The following XKR9 variants were observed in gnomAD, a reference collection of about 807,000 sequenced individuals.
The protein encoded by XKR9 is XK related 9.
A neutral mutation model predicts 32.0 loss-of-function variants in XKR9; 32 were observed. The ratio of observed to expected loss-of-function variants is 1.00; its 90% CI spans 0.76 to 1.34. The LOEUF (loss-of-function observed/expected upper bound fraction) is 1.34. Ranked by LOEUF, XKR9 falls within the 40% of genes most tolerant of loss-of-function variation. The pLI, the probability that XKR9 is intolerant of heterozygous loss-of-function variation, is 0.00. For synonymous variants in XKR9, 168 were observed against 143.4 expected (o/e 1.17, Z -1.22); for missense variants, 546 against 429.7 (o/e 1.27, Z -2.39).
chr8:70,759,836 A>G lies in XKR9; in HGVS notation n.353-29503A>G, dbSNP rs140733877. 5.9e-5 allele frequency among the ~76,000 whole-genome samples: 9 copies of G among 152,302 alleles called. No individual in the cohort carries two copies. In the East Asian group the frequency reaches 1.5e-3, roughly 26 times the overall value. On this transcript the variant is annotated intron_variant and non_coding_transcript_variant, in intron 2 of 3. Transcript: ENST00000520273. ...GTTCAAACCAAAGCCTTTTTTATTTATTCATATAAAAGAGCACTTAACTTT... is the reference window on the plus strand; with the variant it reads ...GTTCAAACCAAAGCCTTTTTTATTTGTTCATATAAAAGAGCACTTAACTTT...
At chr8:70,760,494 A>G (rs898348666) in intron 2 of XKR9, among the ~76,000 whole-genome samples, 1 of 152,174 alleles carries the variant, frequency 6.6e-6, no homozygotes, top group Non-Finnish European at 1.5e-5. Context: ...GGTAAAATAT[A>G]TGCAACATAA....
chr8:71,054,016 A>ATGAAAG, the XKR9 span, among the ~76,000 whole-genome samples: 1 of 152,256 alleles, frequency 6.6e-6, no homozygotes, highest in Non-Finnish European at 1.5e-5. Context: ...ACTGTCAGGC[A>ATGAAAG]TGAAAGTGAA....
chr8:70,984,483 A>G, the XKR9 span, among the ~76,000 whole-genome samples: 1 of 152,204 alleles, frequency 6.6e-6, no homozygotes, highest in African/African-American at 2.4e-5. Context: ...TCTGGGAAAT[A>G]AAGACTCAGT....
At chr8:70,707,609 TTG>T (rs869276491) in intron 4 of XKR9, among the ~76,000 whole-genome samples, 2 of 57,604 alleles carry the variant, frequency 3.5e-5, no homozygotes, top group Non-Finnish European at 1.3e-4. Context: ...TTAATTTAGG[TTG>T]TTTCTTATAT....
chr8:70,774,858 GTTATATGTCTCTTTTATTTCCATATAA>G (rs1807498304), intron 2 of XKR9, among the ~76,000 whole-genome samples: 1 of 152,116 alleles, frequency 6.6e-6, no homozygotes, highest in Non-Finnish European at 1.5e-5. Flanking sequence ...TGTTTTTACT[GTTATATGTCTCTTTTATTTCCATATAA>G]ATATTATAAT....
chr8:70,985,123 T>C, the XKR9 span, among the ~76,000 whole-genome samples: 1 of 152,236 alleles, frequency 6.6e-6, no homozygotes, highest in Non-Finnish European at 1.5e-5. Flanking sequence ...TGATATTTAA[T>C]ATGAAAACAT....
At chr8:70,895,067 T>A in the XKR9 span, among the ~76,000 whole-genome samples, 6 of 152,142 alleles carry the variant, frequency 3.9e-5, no homozygotes, top group Admixed American at 6.5e-5. Context: ...CTACCTCAGT[T>A]GGGCTTACTG....
the XKR9 span, among the ~76,000 whole-genome samples, chr8:70,905,969 T>C: frequency 6.6e-6 from 1 of 152,230 alleles, no homozygotes; most frequent in African/African-American, 2.4e-5. Flanking sequence ...CAAATGTTGC[T>C]GGCTGATCCT....
chr8:70,872,908 C>A, the XKR9 span, among the ~76,000 whole-genome samples: 2 of 152,162 alleles, frequency 1.3e-5, no homozygotes, highest in Non-Finnish European at 2.9e-5. Flanking sequence ...GATCTGCCTG[C>A]CTTGGCCTCC....
the XKR9 span, among the ~76,000 whole-genome samples, chr8:70,915,202 A>C: frequency 6.6e-6 from 1 of 151,784 alleles, no homozygotes; most frequent in Non-Finnish European, 1.5e-5. Flanking sequence ...CACTAATCTT[A>C]GGTTTTACAA....
At chr8:70,943,064 G>GC in the XKR9 span, among the ~76,000 whole-genome samples, 48,277 of 151,912 alleles carry the variant, frequency 0.32, 8,979 homozygotes, top group Non-Finnish European at 0.43. Context: ...ATTTTTATTA[G>GC]CAAATTAATA....
intron 4 of XKR9, among the ~76,000 whole-genome samples, chr8:70,713,156 G>T (rs1805977145): frequency 6.6e-6 from 1 of 152,072 alleles, no homozygotes; most frequent in Non-Finnish European, 1.5e-5. Context: ...GGAATTGAAA[G>T]GAACAAATTA....
the XKR9 span, among the ~76,000 whole-genome samples, chr8:70,940,311 A>T: frequency 6.6e-6 from 1 of 152,038 alleles, no homozygotes; most frequent in Non-Finnish European, 1.5e-5. Context: ...TGATGTCTTA[A>T]ATAGTTATCT....
chr8:70,892,185 A>G, the XKR9 span, among the ~76,000 whole-genome samples: 1 of 152,188 alleles, frequency 6.6e-6, no homozygotes, highest in Admixed American at 6.5e-5. Flanking sequence ...ACATATGGTT[A>G]GGTCACTTAA....
chr8:70,885,402 A>AT, the XKR9 span, among the ~76,000 whole-genome samples: 2 of 152,112 alleles, frequency 1.3e-5, no homozygotes, highest in South Asian at 2.1e-4. Flanking sequence ...GTCAATATAC[A>AT]TTTTTTTAAA....
At chr8:70,900,884 C>T in the XKR9 span, among the ~76,000 whole-genome samples, 9 of 152,260 alleles carry the variant, frequency 5.9e-5, no homozygotes, top group African/African-American at 1.9e-4. Context: ...GTTCAATTCC[C>T]ACCTATGAGT....
intron 2 of XKR9, among the ~76,000 whole-genome samples, chr8:70,768,608 C>A (rs1312940451): frequency 6.6e-6 from 1 of 152,006 alleles, no homozygotes; most frequent in African/African-American, 2.4e-5. Context: ...TCTGGGTATT[C>A]CTGTATTGGG....
At chr8:70,982,048 G>C in the XKR9 span, among the ~76,000 whole-genome samples, 2 of 152,228 alleles carry the variant, frequency 1.3e-5, no homozygotes, top group African/African-American at 2.4e-5. Context: ...GAGGTAGCAG[G>C]GGAGTGAAGC....
At chr8:71,052,785 CT>C in the XKR9 span, among the ~76,000 whole-genome samples, 1 of 152,236 alleles carries the variant, frequency 6.6e-6, no homozygotes, top group African/African-American at 2.4e-5. Context: ...AGATTGCGCA[CT>C]GTGATGCTGG....
Sources: allele counts gnomAD v4.1 joint callset (sites outside exome capture counted in the v4.1 genomes callset), GRCh38; gene constraint gnomAD v4.1.1; transcripts MANE v1.5; gene names NCBI Gene and HGNC (gene_info 2026-07-23, HGNC 2026-07-21).